The following SH3KBP1 variants were observed in gnomAD, a reference collection of about 807,000 sequenced individuals.
SH3KBP1 encodes SH3 domain-containing kinase-binding protein 1.
In SH3KBP1, 8 loss-of-function variants were observed where a neutral mutation model predicts 50.1. That is an observed-to-expected ratio of 0.16 (90% CI 0.09 to 0.29). The LOEUF is 0.29. SH3KBP1 is among the 10% of genes least tolerant of loss of function. The pLI is 1.00. For missense variants in SH3KBP1, 377 were observed against 535.2 expected (o/e 0.70, Z 2.92); for synonymous variants, 227 against 218.6 (o/e 1.04, Z -0.34).
At position 19,645,405 on chromosome X, in the gene SH3KBP1, G is replaced by A; in HGVS notation, c.797C>T (p.Thr266Ile). 1 of 1,191,385 alleles carries A rather than the reference G, an allele frequency of 8.4e-7. No homozygotes were observed. Among genetic ancestry groups the A allele is most frequent in the African/African-American group, 1.7e-5 (1 of 57,425 alleles). ...AGATAACTAAGGAAACTCACTCTTT[G>A]TCCTGCTGTCCATTTCTGTTTTTGA... ...DSSKTEMDSR[T>I]KSKDYCKVIF... is the part of the protein sequence containing the mutation. Residue 266 changes from threonine (T) to isoleucine (I), a missense_variant, in exon 7 of 18, where the codon ACA becomes ATA. By Grantham distance (89) the Thr-to-Ile change is moderately conservative. Around this residue, in one of 3 missense-constraint regions of SH3KBP1, gnomAD observed 257 missense variants for 374.2 expected, o/e 0.69. Transcript: ENST00000397821.
intron 13 of SH3KBP1, among the ~76,000 whole-genome samples, chrX:19,563,707 C>T (rs904028745): frequency 3.6e-5 from 4 of 112,206 alleles, no homozygotes; most frequent in Non-Finnish European, 5.6e-5. Context: ...ACATGGGCAC[C>T]GCAGCCCGTC....
chrX:19,622,786 T>A (rs1255787195), intron 8 of SH3KBP1, among the ~76,000 whole-genome samples: 1 of 112,381 alleles, frequency 8.9e-6, no homozygotes, highest in African/African-American at 3.2e-5. Flanking sequence ...CTCACGCCTG[T>A]AATCCCAGCA....
intron 16 of SH3KBP1, among the ~76,000 whole-genome samples, chrX:19,539,515 A>G (rs745786046): frequency 8.9e-6 from 1 of 112,522 alleles, no homozygotes; most frequent in East Asian, 2.8e-4. Flanking sequence ...CAACCCCAGG[A>G]GACTGGCAGG....
At chrX:19,764,986 C>CT (rs34368819) in intron 2 of SH3KBP1, among the ~76,000 whole-genome samples, 683 of 44,546 alleles carry the variant, frequency 0.015, 75 homozygotes, top group Admixed American at 0.05. Flanking sequence ...TTTTGCAGTT[C>CT]TTTTTTTTTT....
chrX:19,734,444 TGGTAGGG>T (rs2064474910), intron 3 of SH3KBP1, among the ~76,000 whole-genome samples: 1 of 111,890 alleles, frequency 8.9e-6, no homozygotes, highest in South Asian at 3.7e-4. Context: ...AGGAGGTTAG[TGGTAGGG>T]GACATAAAAG....
chrX:19,723,145 A>C (rs1190548760), intron 3 of SH3KBP1, among the ~76,000 whole-genome samples: 3 of 99,538 alleles, frequency 3.0e-5, no homozygotes, highest in African/African-American at 1.4e-4. Flanking sequence ...TCCGTCTCAA[A>C]AAAAAAAAAA....
intron 2 of SH3KBP1, among the ~76,000 whole-genome samples, chrX:19,748,516 G>T (rs2064981963): frequency 8.9e-6 from 1 of 111,757 alleles, no homozygotes; most frequent in Non-Finnish European, 1.9e-5. Context: ...CAGGAGAGAG[G>T]CTGGCCCATA....
intron 6 of SH3KBP1, among the ~76,000 whole-genome samples, chrX:19,653,556 C>T (rs1034662278): frequency 9.1e-6 from 1 of 109,403 alleles, no homozygotes; most frequent in Non-Finnish European, 1.9e-5. Context: ...ACTAAAAATA[C>T]AAAAATTAGC....
chrX:19,856,531 G>C (rs1039484209), intron 1 of SH3KBP1, among the ~76,000 whole-genome samples: 1 of 111,912 alleles, frequency 8.9e-6, no homozygotes, highest in African/African-American at 3.2e-5. Context: ...GGCAAGAGCA[G>C]CTCGGTGCAG....
chrX:19,867,391 G>A (rs1166570919), intron 1 of SH3KBP1, among the ~76,000 whole-genome samples: 1 of 111,841 alleles, frequency 8.9e-6, no homozygotes, highest in East Asian at 2.8e-4. Context: ...AGCAGACCAA[G>A]TAAAACAAAG....
intron 6 of SH3KBP1, among the ~76,000 whole-genome samples, chrX:19,668,358 T>C (rs1377373523): frequency 9.4e-6 from 1 of 106,262 alleles, no homozygotes; most frequent in Non-Finnish European, 1.9e-5. Context: ...AATACAAAAA[T>C]TAGCCAGGTG....
rs1320646920 is a variant in SH3KBP1 at position 19,535,876 on chromosome X, G to C, written c.*541C>G. 1 of 111,024 alleles carries C rather than the reference G, an allele frequency of 9.0e-6. No individual in the cohort carries two copies. The highest frequency in any genetic ancestry group is 1.9e-5 in the Non-Finnish European group (1 of 53,046). 9.1% of individuals were successfully genotyped at this position (111,024 alleles called of 1,213,427 possible). On this transcript the variant is annotated 3_prime_UTR_variant, in exon 18 of 18. Transcript: ENST00000397821. ...CTTAGGGTGGTGGGGTTTGCTGGCAGGGAAAGGGACAGGTTGAACCTACAA... is the reference window on the plus strand; with the variant it reads ...CTTAGGGTGGTGGGGTTTGCTGGCACGGAAAGGGACAGGTTGAACCTACAA...
intron 1 of SH3KBP1, among the ~76,000 whole-genome samples, chrX:19,880,808 G>A (rs976475900): frequency 1.5e-4 from 17 of 111,517 alleles, no homozygotes; most frequent in African/African-American, 5.2e-4. Context: ...CAGGCAGGTG[G>A]CTCGGTGAAA....
chrX:19,879,858 C>G (rs1370194092), intron 1 of SH3KBP1, among the ~76,000 whole-genome samples: 1 of 113,184 alleles, frequency 8.8e-6, no homozygotes, highest in Non-Finnish European at 1.9e-5. Flanking sequence ...AATAAGCCCC[C>G]GGGGTTCCCC....
At chrX:19,833,826 A>G (rs1208160792) in intron 2 of SH3KBP1, among the ~76,000 whole-genome samples, 4 of 111,738 alleles carry the variant, frequency 3.6e-5, no homozygotes, top group African/African-American at 1.3e-4. Flanking sequence ...CTCTTTCCAC[A>G]CTAGAATGCA....
intron 2 of SH3KBP1, among the ~76,000 whole-genome samples, chrX:19,774,400 G>T (rs757356213): frequency 1.3e-3 from 144 of 110,912 alleles, no homozygotes; most frequent in Non-Finnish European, 1.9e-3. Context: ...CGCCGGGCGC[G>T]GTGGCTCACA....
chrX:19,632,575 TG>T (rs781109467), intron 7 of SH3KBP1, among the ~76,000 whole-genome samples: 61 of 112,653 alleles, frequency 5.4e-4, no homozygotes, highest in African/African-American at 1.9e-3. Context: ...ATATGTCCCA[TG>T]GCCTTTCTGT....
intron 2 of SH3KBP1, among the ~76,000 whole-genome samples, chrX:19,766,225 T>C (rs1246120522): frequency 5.4e-5 from 6 of 110,688 alleles, no homozygotes; most frequent in Non-Finnish European, 9.4e-5. Context: ...TGAGGTGCAA[T>C]CTCACTGTGA....
intron 5 of SH3KBP1, among the ~76,000 whole-genome samples, chrX:19,688,760 T>G (rs1222281676): frequency 8.9e-6 from 1 of 111,917 alleles, no homozygotes; most frequent in African/African-American, 3.3e-5. Flanking sequence ...AAATAAATTT[T>G]ATTATGGCTT....
Sources: allele counts gnomAD v4.1 joint callset (sites outside exome capture counted in the v4.1 genomes callset), GRCh38; gene constraint gnomAD v4.1.1; regional missense constraint gnomAD v4.1.1; transcripts MANE v1.5; gene names NCBI Gene and HGNC (gene_info 2026-07-23, HGNC 2026-07-21).